The following ZNF226 variants were observed in gnomAD, a reference collection of about 807,000 sequenced individuals.
The protein encoded by ZNF226 is zinc finger protein 226, also known as Kruppel-associated box protein.
In ZNF226, 6 loss-of-function variants were observed where a neutral mutation model predicts 11.4. The ratio of observed to expected loss-of-function variants is 0.53; its 90% confidence interval spans 0.29 to 1.04. The LOEUF is 1.04. Ranked by LOEUF, ZNF226 falls within the 50% of genes least tolerant of loss-of-function variation. ZNF226 has a pLI of 0.08. For missense variants in ZNF226, 1,058 were observed against 956.5 expected (o/e 1.11, Z -1.40); for synonymous variants, 350 against 322.8 (o/e 1.08, Z -0.90).
chr19:44,178,085 A>G (rs1599741862), downstream of ZNF226: 1 of 163,118 alleles, frequency 6.1e-6, no homozygotes, highest in South Asian at 1.6e-4. Flanking sequence ...ATTTGTAAAC[A>G]GGAAACCTGA....
chr19:44,182,960 G>A (rs913855507), downstream of ZNF226, among the ~76,000 whole-genome samples: 2 of 152,124 alleles, frequency 1.3e-5, no homozygotes, highest in Non-Finnish European at 2.9e-5. Flanking sequence ...TGGCCTCTAA[G>A]GCAATTACAT....
intron 5 of ZNF226, chr19:44,173,278 A>C: frequency 2.4e-6 from 1 of 417,422 alleles, no homozygotes; most frequent in Middle Eastern, 6.0e-4. Context: ...TACCTCTCTA[A>C]ATATATCTTC....
downstream of ZNF226, among the ~76,000 whole-genome samples, chr19:44,182,128 T>C (rs2044150417): frequency 6.6e-6 from 1 of 152,324 alleles, no homozygotes; most frequent in East Asian, 1.9e-4. Context: ...TTCAACAGTT[T>C]TCTCAGTTGT....
downstream of ZNF226, among the ~76,000 whole-genome samples, chr19:44,178,731 A>G (rs1970859055): frequency 6.6e-6 from 1 of 152,200 alleles, no homozygotes. Context: ...TAGAATAGGA[A>G]TTTTTGATTA....
At chr19:44,169,778 G>T (rs368979641) in intron 2 of ZNF226, 3 of 310,436 alleles carry the variant, frequency 9.7e-6, no homozygotes, top group East Asian at 5.3e-5. Flanking sequence ...CTCAATTTAC[G>T]CTGTACTCAA....
At position 44,175,964 on chromosome 19, in the gene ZNF226, G is replaced by A. The variant is rs142119113; in HGVS notation, c.702G>A (p.Met234Ile). 14 of 1,613,844 alleles carry A rather than the reference G, an allele frequency of 8.7e-6. No homozygotes were observed. In the East Asian group the frequency reaches 2.7e-4, roughly 31 times the overall value. Residue 234 changes from methionine to isoleucine, a missense_variant, in exon 6 of 6, where the codon ATG becomes ATA. Transcript: ENST00000337433. ...YRPNDYEKDN[M>I]KILTFDHNSM... Reference sequence around the variant, plus strand: ...CCAATGATTATGAAAAAGACAACATGAAGATTTTGACATTTGATCACAATA... The same window carrying A: ...CCAATGATTATGAAAAAGACAACATAAAGATTTTGACATTTGATCACAATA...
intron 3 of ZNF226, among the ~76,000 whole-genome samples, chr19:44,171,737 G>T (rs1970115232): frequency 6.6e-6 from 1 of 152,028 alleles, no homozygotes; most frequent in Admixed American, 6.6e-5. Flanking sequence ...CACATATAAC[G>T]CTGCTCACTT....
chr19:44,193,097 A>G, the ZNF226 span, among the ~76,000 whole-genome samples: 1 of 152,128 alleles, frequency 6.6e-6, no homozygotes, highest in Non-Finnish European at 1.5e-5. Flanking sequence ...TTATTTACCA[A>G]AGATTTACCT....
downstream of ZNF226, among the ~76,000 whole-genome samples, chr19:44,179,132 A>T (rs1442030824): frequency 6.6e-6 from 1 of 152,112 alleles, no homozygotes; most frequent in East Asian, 1.9e-4. Context: ...GTGAGTCAAG[A>T]TGTTGCCACT....
chr19:44,176,549 T>C lies in ZNF226; in HGVS notation c.1287T>C (p.Ile429=). 2 of 1,614,038 alleles carry C rather than the reference T, an allele frequency of 1.2e-6. No homozygotes were observed. Among genetic ancestry groups the C allele is most frequent in the Non-Finnish European group, 1.7e-6 (2 of 1,179,982 alleles). ...YKCEECGKGF[I]CSSNLYIHQR... ...GTGAGGAGTGTGGTAAGGGCTTCAT[T>C]TGTAGCTCAAATCTTTACATTCATC... is the stretch of plus-strand genomic sequence containing the variant. The change falls in exon 6 of 6, where the codon ATT becomes ATC. Residue 429 remains isoleucine, a synonymous_variant. Transcript: ENST00000337433.
chr19:44,198,596 A>G, the ZNF226 span, among the ~76,000 whole-genome samples: 1 of 152,206 alleles, frequency 6.6e-6, no homozygotes, highest in Non-Finnish European at 1.5e-5. Context: ...AAATATTTTA[A>G]TGCAAGTAAC....
At chr19:44,177,753 T>A, downstream of ZNF226, 2 of 1,434,884 alleles carry the variant, frequency 1.4e-6, no homozygotes, top group Non-Finnish European at 1.9e-6. Context: ...TAGCTCCTCA[T>A]GTCCCAGTGG....
chr19:44,169,360 T>C (rs1165080251), intron 2 of ZNF226, among the ~76,000 whole-genome samples: 1 of 152,164 alleles, frequency 6.6e-6, no homozygotes, highest in African/African-American at 2.4e-5. Flanking sequence ...CAAACGGTGT[T>C]TTTTAATTGC....
downstream of ZNF226, among the ~76,000 whole-genome samples, chr19:44,179,935 A>C (rs1970880757): frequency 6.6e-6 from 1 of 151,654 alleles, no homozygotes; most frequent in Non-Finnish European, 1.5e-5. Flanking sequence ...AAAAATACAA[A>C]AACTAGTCGG....
At position 44,176,909 on chromosome 19, in the gene ZNF226, T is replaced by C. The variant is rs775844795; in HGVS notation, c.1647T>C (p.His549=). Residue 549 remains histidine (H), a synonymous_variant, in exon 6 of 6, where the codon CAT becomes CAC. Transcript: ENST00000337433. ...GFSQSSYLQI[H]QKAHSIEKPF... ...GTCAAAGTTCGTATCTTCAAATCCA[T>C]CAGAAGGCCCACAGTATAGAGAAAC... is the stretch of plus-strand genomic sequence containing the variant. 6.2e-7 allele frequency: 1 copy of C among 1,613,906 alleles called. No individual in the cohort carries two copies. Among genetic ancestry groups the C allele is most frequent in the Non-Finnish European group, 8.5e-7 (1 of 1,179,974 alleles).
Position 44,176,669 on chromosome 19 carries a change from C to G in ZNF226, c.1407C>G (p.His469Gln). The change falls in exon 6 of 6, where the codon CAC (histidine) becomes CAG (glutamine). Residue 469 changes from histidine (H) to glutamine (Q), a missense_variant. By Grantham distance (24) the His-to-Gln change is conservative (BLOSUM62 0). Transcript: ENST00000337433. ...PSSLQAHQGV[H>Q]TGEKSYICTV... ...GTCTTCAGGCCCATCAGGGAGTTCA[C>G]ACTGGAGAGAAGTCATACATATGTA... is the stretch of plus-strand genomic sequence containing the variant. 6.2e-7 allele frequency: 1 copy of G among 1,614,072 alleles called. No individual in the cohort carries two copies. Among genetic ancestry groups the G allele is most frequent in the South Asian group, 1.1e-5 (1 of 91,072 alleles).
chr19:44,192,906 C>A, the ZNF226 span, among the ~76,000 whole-genome samples: 1 of 151,974 alleles, frequency 6.6e-6, no homozygotes, highest in African/African-American at 2.4e-5. Flanking sequence ...TATTAATACT[C>A]AATTTTTGAT....
chr19:44,175,904 T>G lies in ZNF226; in HGVS notation c.642T>G (p.Gly214=). The change falls in exon 6 of 6, where the codon GGT becomes GGG. Residue 214 remains glycine (G), a synonymous_variant. Transcript: ENST00000337433. ...TCGGTTGGATTTCACATCATGATGGTCATAGAGTACACAAAAGTGAAAAAT... is the reference window on the plus strand; with the variant it reads ...TCGGTTGGATTTCACATCATGATGGGCATAGAGTACACAAAAGTGAAAAAT... ...DPIGWISHHD[G]HRVHKSEKSY... 1 of 1,613,444 alleles carries G rather than the reference T, an allele frequency of 6.2e-7. No individual in the cohort carries two copies. The highest frequency in any genetic ancestry group is 8.5e-7 in the Non-Finnish European group (1 of 1,179,726).
In ZNF226 at chr19:44,170,037, C is replaced by A; in HGVS notation, c.-44C>A. 6.3e-7 allele frequency: 1 copy of A among 1,581,292 alleles called. No homozygotes were observed. The highest frequency in any genetic ancestry group is 8.6e-7 in the Non-Finnish European group (1 of 1,162,600). On this transcript the variant is annotated splice_region_variant and 5_prime_UTR_variant, in exon 3 of 6. Coordinates refer to ENST00000337433, the MANE Select transcript of ZNF226 (RefSeq NM_001032373.2). ...TTTATTTCTCTCTTCTTTCCTAGTT[C>A]AGCTTCTTAGGACTCTGCACTTCCC...
Sources: gnomAD v4.1 joint callset for allele counts (sites outside exome capture counted in the v4.1 genomes callset) on GRCh38, gnomAD v4.1.1 for gene constraint, MANE v1.5 for transcripts, NCBI Gene and HGNC (gene_info 2026-07-23, HGNC 2026-07-21) for gene names.